COL6A6: variants seen among roughly 807,000 people sequenced by gnomAD.
COL6A6 encodes collagen alpha-6(VI) chain.
A neutral mutation model predicts 208.6 loss-of-function variants in COL6A6; 183 were observed. The observed-to-expected ratio is 0.88, with a 90% CI of 0.78 to 0.99. The LOEUF (loss-of-function observed/expected upper bound fraction) is 0.99, where lower values mean the gene tolerates loss of function less well. COL6A6 is among the 50% of genes least tolerant of loss of function. The pLI, the probability that COL6A6 is intolerant of heterozygous loss-of-function variation, is 0.00. For missense variants in COL6A6, 2,816 were observed against 2,815.2 expected, an observed-to-expected ratio of 1.00 and a Z score of -0.01; for synonymous variants, 973 against 1,011.8, an observed-to-expected ratio of 0.96 and a Z score of 0.73.
intron 32 of COL6A6, among the ~76,000 whole-genome samples, chr3:130,648,199 CTAAG>C (rs558418533): frequency 1.4e-4 from 22 of 152,308 alleles, no homozygotes; most frequent in Admixed American, 2.6e-4. Context: ...ATCAGTTTCT[CTAAG>C]TAATAAGGCA....
intron 20 of COL6A6, among the ~76,000 whole-genome samples, chr3:130,601,261 T>C (rs2064010030): frequency 6.6e-6 from 1 of 151,316 alleles, no homozygotes; most frequent in Non-Finnish European, 1.5e-5. Flanking sequence ...CTTTAGTATA[T>C]TGCATTTATT....
At position 130,662,132 on chromosome 3, in the gene COL6A6, A is replaced by G; in HGVS notation, c.6326A>G (p.Lys2109Arg). 1.2e-6 allele frequency: 2 copies of G among 1,614,004 alleles called. No individual in the cohort carries two copies. The highest frequency in any genetic ancestry group is 1.7e-6 in the Non-Finnish European group (2 of 1,179,878). ...EILKKESLRA[K>R]CQGYALFVFS... Reference sequence around the variant, plus strand: ...TTAAAGAAGGAATCCTTGCGAGCCAAATGTCAGGGATATGCCTTATTTGTG... The same window carrying G: ...TTAAAGAAGGAATCCTTGCGAGCCAGATGTCAGGGATATGCCTTATTTGTG... The change falls in exon 35 of 37, where the codon AAA becomes AGA. Residue 2109 changes from lysine to arginine, a missense_variant. Physicochemically the swap from Lys to Arg is conservative, Grantham distance 26. Coordinates refer to ENST00000358511, the MANE Select transcript of COL6A6 (RefSeq NM_001102608.3).
intron 1 of COL6A6, among the ~76,000 whole-genome samples, chr3:130,539,616 G>C (rs534735293): frequency 2.1e-5 from 3 of 146,014 alleles, no homozygotes; most frequent in East Asian, 2.0e-4. Context: ...CTGGACAACA[G>C]AGCGAGACTC....
intron 36 of COL6A6, among the ~76,000 whole-genome samples, chr3:130,671,217 A>G (rs562849955): frequency 6.6e-6 from 1 of 152,302 alleles, no homozygotes; most frequent in African/African-American, 2.4e-5. Flanking sequence ...GGCTCTCCAC[A>G]TATGTAGCCA....
chr3:130,635,905 G>C, intron 28 of COL6A6, 144 bp downstream of exon 28: 1 of 628,158 alleles, frequency 1.6e-6, no homozygotes, highest in Admixed American at 2.8e-5. Flanking sequence ...TTGGGGAAGG[G>C]GAATGGATAG....
rs1343957584 is a variant in COL6A6, at chr3:130,649,543, C to T, written c.5714C>T (p.Ser1905Leu). Residue 1905 changes from serine (S) to leucine (L), a missense_variant, in exon 33 of 37, where the codon TCG (serine) becomes TTG (leucine). By Grantham distance (145) the Ser-to-Leu change is moderately radical. Coordinates refer to ENST00000358511, the MANE Select transcript of COL6A6 (RefSeq NM_001102608.3). ...PVVITFSNVP[S>L]VRRAFAIDDT... ...GTGATCACTTTCAGCAACGTGCCCTCGGTCAGGCGCGCATTTGCGGTATGA... is the reference window on the plus strand; with the variant it reads ...GTGATCACTTTCAGCAACGTGCCCTTGGTCAGGCGCGCATTTGCGGTATGA... The T allele has an allele frequency of 1.9e-6, 3 of 1,592,068 alleles. No individual in the cohort carries two copies. Among genetic ancestry groups the T allele is most frequent in the Non-Finnish European group, 2.6e-6 (3 of 1,169,278 alleles).
chr3:130,592,806 T>C, intron 15 of COL6A6, 84 bp downstream of exon 15: 1 of 1,317,370 alleles, frequency 7.6e-7, no homozygotes, highest in Non-Finnish European at 1.1e-6. Context: ...CAGTAAATTA[T>C]ACAAATAAAG....
At chr3:130,576,444 T>C (rs1187371728) in intron 8 of COL6A6, among the ~76,000 whole-genome samples, 1 of 152,222 alleles carries the variant, frequency 6.6e-6, no homozygotes, top group Non-Finnish European at 1.5e-5. Flanking sequence ...CTCTAAGTTC[T>C]GCTTCACATA....
In COL6A6 at chr3:130,675,203, T is replaced by C; in HGVS notation, c.6598T>C (p.Phe2200Leu). The C allele has an allele frequency of 6.4e-7, 1 of 1,557,120 alleles. No individual in the cohort carries two copies. The highest frequency in any genetic ancestry group is 8.7e-7 in the Non-Finnish European group (1 of 1,151,204). The change falls in exon 37 of 37, where the codon TTT (phenylalanine) becomes CTT (leucine). Residue 2200 changes from phenylalanine (F) to leucine (L), a missense_variant and splice_region_variant. By Grantham distance (22) the Phe-to-Leu change is conservative (BLOSUM62 0). Coordinates refer to ENST00000358511, the MANE Select transcript of COL6A6 (RefSeq NM_001102608.3). Reference protein sequence around the residue: ...PKQPPRPFRSFVPGPLKATLK... With the variant: ...PKQPPRPFRSLVPGPLKATLK... ...ATGATGTTCTCTTTTGTTGTATAGC[T>C]TTGTTCCTGGACCACTTAAAGCTAC...
Position 130,544,586 on chromosome 3 carries a change from A to T in COL6A6, c.-31-15748A>T, listed in dbSNP as rs564905697. On this transcript the variant is annotated intron_variant, in intron 1 of 36. Transcript: ENST00000358511. ...GGATTGCAGGGTCATACGTAGTTCTATTTCTGATTTCTCTGGGCAACTCCA... is the reference window on the plus strand; with the variant it reads ...GGATTGCAGGGTCATACGTAGTTCTTTTTCTGATTTCTCTGGGCAACTCCA... Among the ~76,000 whole-genome samples the T allele has an allele frequency of 2.0e-5, 3 of 152,230 alleles. No homozygotes were observed. The South Asian group carries it at 6.2e-4, about 32-fold the overall frequency.
intron 1 of COL6A6, among the ~76,000 whole-genome samples, chr3:130,530,530 G>C (rs1459419213): frequency 6.6e-6 from 1 of 152,226 alleles, no homozygotes; most frequent in Non-Finnish European, 1.5e-5. Context: ...TATGTTAACT[G>C]TTAGTATTAT....
intron 23 of COL6A6, among the ~76,000 whole-genome samples, chr3:130,619,644 G>A (rs146957634): frequency 1.3e-5 from 2 of 152,306 alleles, no homozygotes; most frequent in African/African-American, 2.4e-5. Context: ...ACAGTTAGGA[G>A]AGCCAAGAAT....
chr3:130,522,877 C>T (rs13079751), intron 1 of COL6A6, among the ~76,000 whole-genome samples: 8,510 of 151,558 alleles, frequency 0.056, 351 homozygotes, highest in Middle Eastern at 0.12. Context: ...AAAACACCGT[C>T]ATCTATTTCA....
rs150675804 is a variant in COL6A6 at position 130,573,295 on chromosome 3, C to T, written c.2978-661C>T. 4.7e-3 allele frequency among the ~76,000 whole-genome samples: 710 copies of T among 152,208 alleles called. 6 individuals are homozygous for T. Among genetic ancestry groups the T allele is most frequent in the African/African-American group, 0.014 (583 of 41,542 alleles). On this transcript the variant is annotated intron_variant, in intron 7 of 36. Coordinates refer to ENST00000358511, the MANE Select transcript of COL6A6 (RefSeq NM_001102608.3). The stretch of plus-strand genomic sequence containing the variant: ...TCTCTTGGTGTGCTACTATTGTCAC[C>T]GGGCTTTCTGGAAGAGCTGAGGCTA...
intron 36 of COL6A6, among the ~76,000 whole-genome samples, chr3:130,671,534 C>T (rs952276322): frequency 2.6e-5 from 4 of 152,180 alleles, no homozygotes; most frequent in African/African-American, 9.7e-5. Flanking sequence ...TGATCAAAGA[C>T]TCTAATCAAA....
At chr3:130,673,496 C>T (rs57454246) in intron 36 of COL6A6, among the ~76,000 whole-genome samples, 2 of 150,976 alleles carry the variant, frequency 1.3e-5, no homozygotes, top group Non-Finnish European at 2.9e-5. Context: ...GGTAGGGGGA[C>T]GCAGCGTGAA....
At chr3:130,569,437 A>T (rs1005986578) in intron 6 of COL6A6, among the ~76,000 whole-genome samples, 1 of 152,204 alleles carries the variant, frequency 6.6e-6, no homozygotes, top group African/African-American at 2.4e-5. Context: ...CTCAGCCAAT[A>T]TAAGGGGCTG....
At chr3:130,553,447 A>G (rs2062693382) in intron 1 of COL6A6, among the ~76,000 whole-genome samples, 1 of 152,154 alleles carries the variant, frequency 6.6e-6, no homozygotes, top group Non-Finnish European at 1.5e-5. Context: ...TGCTGTTAAT[A>G]CTTGGGATTG....
chr3:130,599,652 G>A (rs2063951555), intron 19 of COL6A6, 105 bp from the exon 20 acceptor site: 1 of 1,061,312 alleles, frequency 9.4e-7, no homozygotes, highest in Non-Finnish European at 1.4e-6. Context: ...CTCTCTCATT[G>A]GTGTGTGAAC....
Sources: allele counts gnomAD v4.1 joint callset (sites outside exome capture counted in the v4.1 genomes callset), GRCh38; gene constraint gnomAD v4.1.1; transcripts MANE v1.5; gene names NCBI Gene and HGNC (gene_info 2026-07-23, HGNC 2026-07-21).